The following RFPL1 variants were observed in gnomAD, a reference collection of about 807,000 sequenced individuals.
RFPL1 encodes the protein ret finger protein like 1, also known as ret finger protein-like 1.
A neutral mutation model predicts 9.6 loss-of-function variants in RFPL1; 6 were observed. That is an observed-to-expected ratio of 0.62 (90% CI 0.34 to 1.23). The LOEUF is 1.23. Ranked by LOEUF, RFPL1 falls within the 50% of genes most tolerant of loss-of-function variation. The probability of loss-of-function intolerance (pLI) is 0.03; values close to 1 mark genes in which losing one functional copy is unlikely to be tolerated. For missense variants in RFPL1, 352 were observed against 398.4 expected (o/e 0.88, Z 0.99); for synonymous variants, 145 against 149.4 (o/e 0.97, Z 0.22).
At chr22:29,404,414 A>G in the RFPL1 span, among the ~76,000 whole-genome samples, 1 of 152,220 alleles carries the variant, frequency 6.6e-6, no homozygotes, top group African/African-American at 2.4e-5. Flanking sequence ...CTGCTCTTGC[A>G]TTTTATTTGA....
chr22:29,426,256 A>G, the RFPL1 span, among the ~76,000 whole-genome samples: 1 of 151,714 alleles, frequency 6.6e-6, no homozygotes, highest in Admixed American at 6.6e-5. Flanking sequence ...CCGGGAGATG[A>G]GGGTTACGGA....
At chr22:29,420,626 GTTTTTTGCTTTTTT>G in the RFPL1 span, among the ~76,000 whole-genome samples, 2 of 82,586 alleles carry the variant, frequency 2.4e-5, no homozygotes, top group African/African-American at 5.4e-5. Context: ...ACTGCAGATG[GTTTTTTGCTTTTTT>G]TTTTTTTTTT....
At chr22:29,423,691 G>A in the RFPL1 span, among the ~76,000 whole-genome samples, 18 of 152,298 alleles carry the variant, frequency 1.2e-4, no homozygotes, top group African/African-American at 3.1e-4. Context: ...AAGGCACGAT[G>A]TTACCCTATA....
chr22:29,400,351 G>A, the RFPL1 span, among the ~76,000 whole-genome samples: 1 of 152,156 alleles, frequency 6.6e-6, no homozygotes, highest in Admixed American at 6.5e-5. Flanking sequence ...CTTTCCTAGA[G>A]TAGTTATCTG....
At chr22:29,419,599 T>C in the RFPL1 span, among the ~76,000 whole-genome samples, 2 of 151,628 alleles carry the variant, frequency 1.3e-5, no homozygotes, top group African/African-American at 2.4e-5. Context: ...GGCCAGGAGA[T>C]CAAGACCATC....
the RFPL1 span, among the ~76,000 whole-genome samples, chr22:29,399,144 A>G: frequency 6.6e-6 from 1 of 152,194 alleles, no homozygotes; most frequent in Admixed American, 6.5e-5. Context: ...ATAGAATTAA[A>G]GTATTGATTA....
At chr22:29,421,868 C>T in the RFPL1 span, among the ~76,000 whole-genome samples, 1 of 152,136 alleles carries the variant, frequency 6.6e-6, no homozygotes, top group African/African-American at 2.4e-5. Flanking sequence ...TGAGCAACAC[C>T]AGGTCAGAGG....
chr22:29,429,430 G>A, the RFPL1 span, among the ~76,000 whole-genome samples: 2 of 152,056 alleles, frequency 1.3e-5, no homozygotes, highest in Non-Finnish European at 2.9e-5. Context: ...AGAAGAAGAA[G>A]AAGAAGACCC....
chr22:29,414,038 T>C, the RFPL1 span, among the ~76,000 whole-genome samples: 12 of 152,252 alleles, frequency 7.9e-5, no homozygotes, highest in Admixed American at 7.8e-4. Context: ...GGAGGACTAA[T>C]TAATTTAAAT....
At chr22:29,424,833 AC>A in the RFPL1 span, among the ~76,000 whole-genome samples, 6,227 of 39,316 alleles carry the variant, frequency 0.16, 285 homozygotes, top group Middle Eastern at 0.3. Flanking sequence ...TGTCCCTCCC[AC>A]CCCCCCCCCC....
the RFPL1 span, among the ~76,000 whole-genome samples, chr22:29,422,111 A>G: frequency 2.2e-4 from 34 of 152,332 alleles, no homozygotes; most frequent in East Asian, 1.7e-3. Flanking sequence ...CAGCTACGAC[A>G]ACATCCTCCA....
chr22:29,407,328 G>C, the RFPL1 span, among the ~76,000 whole-genome samples: 2 of 151,948 alleles, frequency 1.3e-5, no homozygotes, highest in African/African-American at 4.8e-5. Context: ...TGATAGTAAA[G>C]GACATCTCAA....
chr22:29,415,232 T>A, the RFPL1 span, among the ~76,000 whole-genome samples: 41,403 of 151,502 alleles, frequency 0.27, 7,719 homozygotes, highest in African/African-American at 0.5. Flanking sequence ...CCCGTTTGCC[T>A]AGGAATTCAA....
the RFPL1 span, among the ~76,000 whole-genome samples, chr22:29,393,441 G>A: frequency 1.3e-5 from 2 of 152,234 alleles, no homozygotes; most frequent in African/African-American, 4.8e-5. Flanking sequence ...ACAGCTTGCA[G>A]AGGTGGGTGA....
At chr22:29,441,273 C>G (rs1276230405) in intron 1 of RFPL1, 2 of 473,844 alleles carry the variant, frequency 4.2e-6, no homozygotes, top group Non-Finnish European at 7.5e-6. Flanking sequence ...CAGAGACCCT[C>G]CACTCTAAAT....
At chr22:29,437,952 G>A (rs1418311749), upstream of RFPL1, 5 of 297,626 alleles carry the variant, frequency 1.7e-5, no homozygotes, top group Admixed American at 1.6e-4. Context: ...AGAAGGATGT[G>A]ATTTTTTTTT....
At chr22:29,406,622 T>G in the RFPL1 span, among the ~76,000 whole-genome samples, 4 of 152,258 alleles carry the variant, frequency 2.6e-5, no homozygotes, top group African/African-American at 7.2e-5. Context: ...AAAATCTTCC[T>G]AGAACCCAAA....
At chr22:29,438,873 G>A (rs1330388616) in exon 1 of RFPL1, 1 of 1,613,998 alleles carries the variant, frequency 6.2e-7, no homozygotes. Flanking sequence ...TCCCCTGGCA[G>A]TGGACATGGC....
At chr22:29,424,315 C>T in the RFPL1 span, among the ~76,000 whole-genome samples, 4 of 152,240 alleles carry the variant, frequency 2.6e-5, no homozygotes, top group Admixed American at 2.6e-4. Flanking sequence ...TACACAGGAA[C>T]AAAGATACCC....
Sources: allele counts gnomAD v4.1 joint callset (sites outside exome capture counted in the v4.1 genomes callset), GRCh38; gene constraint gnomAD v4.1.1; transcripts MANE v1.5; gene names NCBI Gene and HGNC (gene_info 2026-07-23, HGNC 2026-07-21).